The following SYNE2 variants were observed in gnomAD, a reference collection of about 807,000 sequenced individuals.
SYNE2 encodes the protein nesprin-2.
Under a neutral mutation model 856.3 loss-of-function variants are expected in SYNE2, and 431 were observed. The observed-to-expected ratio is 0.50, with a 90% CI of 0.47 to 0.55. The LOEUF is 0.55. Among genes scored for constraint, SYNE2 ranks in the 20% least tolerant of loss-of-function variants. SYNE2 has a pLI of 0.00. For missense variants in SYNE2, 8,129 were observed against 8,023.2 expected, an observed-to-expected ratio of 1.01 and a Z score of -0.50; for synonymous variants, 2,923 against 2,872.3, an observed-to-expected ratio of 1.02 and a Z score of -0.56.
intron 85 of SYNE2, among the ~76,000 whole-genome samples, chr14:64,153,755 A>C (rs1397820143): frequency 6.6e-6 from 1 of 151,998 alleles, no homozygotes; most frequent in Non-Finnish European, 1.5e-5. Context: ...ATTACAATAT[A>C]ATAAAAATAT....
chr14:64,188,010 G>A (rs1280597984), intron 97 of SYNE2, among the ~76,000 whole-genome samples: 4 of 152,132 alleles, frequency 2.6e-5, no homozygotes, highest in African/African-American at 7.2e-5. Context: ...AGTGCATAAC[G>A]GGCAAGTGGG....
At chr14:64,015,426 T>C (rs1345124254) in intron 32 of SYNE2, among the ~76,000 whole-genome samples, 1 of 152,046 alleles carries the variant, frequency 6.6e-6, no homozygotes, top group African/African-American at 2.4e-5. Context: ...TGCAGTAGTG[T>C]TTTTCAAAGT....
rs371005232 is a variant in SYNE2, at chr14:63,804,596, C to T, written c.-305+42610C>T. The stretch of plus-strand genomic sequence containing the variant: ...ACAACCTTTGCCTCCCGGGTGCAAG[C>T]AATTCTCCTGCCTCAGCCTCTTGAA... On this transcript the variant is annotated intron_variant, in intron 1 of 23. Coordinates refer to the SYNE2 transcript ENST00000674003. 6.8e-4 allele frequency among the ~76,000 whole-genome samples: 104 copies of T among 152,242 alleles called. 1 individual carries two copies. The South Asian group carries it at 0.016, about 24-fold the overall frequency.
At chr14:63,921,639 A>G (rs2095602283) in intron 2 of SYNE2, among the ~76,000 whole-genome samples, 1 of 152,188 alleles carries the variant, frequency 6.6e-6, no homozygotes, top group South Asian at 2.1e-4. Context: ...TAGGTTCAAC[A>G]ATGGAAATAC....
intron 11 of SYNE2, 28 bp from the exon 12 acceptor site, chr14:63,976,535 A>G (rs199975521): frequency 6.8e-7 from 1 of 1,460,770 alleles, no homozygotes; most frequent in Non-Finnish European, 9.4e-7. Flanking sequence ...ACTGAAGAAT[A>G]TGTTCTTTTT....
At chr14:64,038,560 C>G (rs1244256333) in intron 45 of SYNE2, among the ~76,000 whole-genome samples, 4 of 152,256 alleles carry the variant, frequency 2.6e-5, no homozygotes, top group Non-Finnish European at 5.9e-5. Context: ...CCATTGAGCA[C>G]CGAGTGAACT....
chr14:64,209,559 A>G lies in SYNE2; in HGVS notation c.18521A>G (p.Glu6174Gly). 6.2e-7 allele frequency: 1 copy of G among 1,614,200 alleles called. No homozygotes were observed. Among genetic ancestry groups the G allele is most frequent in the African/African-American group, 1.3e-5 (1 of 75,062 alleles). ...GAGGTGTTGTACACGAGTGCCAAAG[A>G]GGAACTGAAGAGGTTTGAGGTAAAC... ...SSEVLYTSAKEELKRFEAFQR... is the reference protein window; with the variant it reads ...SSEVLYTSAKGELKRFEAFQR... Residue 6174 changes from glutamate to glycine, a missense_variant, in exon 102 of 116, where the codon GAG (glutamate) becomes GGG (glycine). By Grantham distance (98) the Glu-to-Gly change is moderately conservative (BLOSUM62 -2). Transcript: ENST00000555002.
chr14:64,042,145 T>G (rs2153563736), intron 45 of SYNE2, among the ~76,000 whole-genome samples: 1 of 152,312 alleles, frequency 6.6e-6, no homozygotes, highest in Admixed American at 6.5e-5. Context: ...ATTCATTCAG[T>G]ATAATGAACT....
intron 100 of SYNE2, chr14:64,207,931 G>T (rs1396095744): frequency 2.2e-6 from 1 of 450,018 alleles, no homozygotes; most frequent in African/African-American, 2.0e-5. Flanking sequence ...GGCAAAACAG[G>T]TTCCTTATCT....
intron 21 of SYNE2, 64 bp downstream of exon 21, chr14:63,991,179 C>T: frequency 6.7e-7 from 1 of 1,496,150 alleles, no homozygotes; most frequent in Non-Finnish European, 9.3e-7. Flanking sequence ...TGTTTGAAAT[C>T]AAGATGTTTC....
chr14:64,081,973 C>G (rs984293965), intron 57 of SYNE2, among the ~76,000 whole-genome samples: 7 of 152,112 alleles, frequency 4.6e-5, no homozygotes, highest in African/African-American at 1.7e-4. Context: ...GTAGTCCCAG[C>G]TACTCGGGAG....
At chr14:64,138,935 TGTGTATGTATG>T (rs1315172399) in intron 79 of SYNE2, among the ~76,000 whole-genome samples, 2 of 144,568 alleles carry the variant, frequency 1.4e-5, no homozygotes, top group African/African-American at 2.8e-5. Flanking sequence ...TGTGTGTGTG[TGTGTATGTATG>T]GTGTGTGTGT....
At chr14:63,975,390 T>C (rs960060036) in intron 11 of SYNE2, among the ~76,000 whole-genome samples, 10 of 152,210 alleles carry the variant, frequency 6.6e-5, no homozygotes, top group African/African-American at 2.4e-4. Context: ...TGGAGTGCAG[T>C]GGCATGATCA....
In SYNE2 at chr14:64,091,029, A is replaced by G; in HGVS notation, c.11957A>G (p.Glu3986Gly). 1.2e-6 allele frequency: 2 copies of G among 1,614,082 alleles called. No homozygotes were observed. Among genetic ancestry groups the G allele is most frequent in the Non-Finnish European group, 1.7e-6 (2 of 1,179,940 alleles). Residue 3986 changes from glutamate (E) to glycine (G), a missense_variant, in exon 60 of 116, where the codon GAA (glutamate) becomes GGA (glycine). By Grantham distance (98) the Glu-to-Gly change is moderately conservative. Coordinates refer to ENST00000555002, the MANE Select transcript of SYNE2 (RefSeq NM_182914.3). The part of the protein sequence containing the change: ...DIKLLENVTQ[E>G]QNELLKVVIK... ...AAACTATTGGAAAATGTGACTCAAGAACAAAATGAGTTATTAAAGGTAAGC... is the reference window on the plus strand; with the variant it reads ...AAACTATTGGAAAATGTGACTCAAGGACAAAATGAGTTATTAAAGGTAAGC...
intron 52 of SYNE2, among the ~76,000 whole-genome samples, chr14:64,072,548 G>A (rs1030457668): frequency 2.6e-5 from 4 of 151,832 alleles, no homozygotes; most frequent in Non-Finnish European, 2.9e-5. Flanking sequence ...CGCCTAGGCT[G>A]GAGTACAATA....
At chr14:64,159,908 G>C (rs932308267) in intron 87 of SYNE2, among the ~76,000 whole-genome samples, 5 of 152,160 alleles carry the variant, frequency 3.3e-5, no homozygotes, top group Non-Finnish European at 1.5e-5. Flanking sequence ...ACTTATGGTG[G>C]GATATGAAAG....
intron 58 of SYNE2, 43 bp downstream of exon 58, chr14:64,087,899 AG>A: frequency 6.2e-7 from 1 of 1,601,008 alleles, no homozygotes; most frequent in Non-Finnish European, 8.5e-7. Flanking sequence ...ATTAAATTAG[AG>A]GCTGGGCAAT....
At position 64,016,521 on chromosome 14, in the gene SYNE2, A is replaced by G; in HGVS notation, c.4777A>G (p.Lys1593Glu). 6.2e-7 allele frequency: 1 copy of G among 1,602,246 alleles called. No individual in the cohort carries two copies. Among genetic ancestry groups the G allele is most frequent in the South Asian group, 1.1e-5 (1 of 88,524 alleles). Residue 1593 changes from lysine to glutamate, a missense_variant, in exon 33 of 116, where the codon AAG becomes GAG. Lys to Glu is a moderately conservative substitution (Grantham distance 56). Around this residue, in one of 3 missense-constraint regions of SYNE2, gnomAD observed 2,422 missense variants for 2,357.4 expected, o/e 1.03. Transcript: ENST00000555002. ...TAATGAGCATTTAGAAGTTGTAGAC[A>G]AGATAAACCAGGTCTGCAAAAATCT... ...EFNEHLEVVDKINQVCKNLQF... is the reference protein window; with the variant it reads ...EFNEHLEVVDEINQVCKNLQF...
Position 64,026,849 on chromosome 14 carries a change from T to C in SYNE2, c.6404+119T>C, listed in dbSNP as rs2096983984. 2.5e-6 allele frequency: 3 copies of C among 1,216,606 alleles called. No individual in the cohort carries two copies. In the African/African-American group the frequency reaches 4.5e-5, roughly 18 times the overall value. The allele number at this position is 1,216,606 out of a possible 1,614,324, so 75.4% of individuals were successfully genotyped here. ...TATCTGCTAGAGAGAAAGTTGGTAA[T>C]GTCAGGGACATCCACAGTGTCAAGA... On this transcript the variant is annotated intron_variant, in intron 42 of 115. Coordinates refer to ENST00000555002, the MANE Select transcript of SYNE2 (RefSeq NM_182914.3).
Sources: allele counts gnomAD v4.1 joint callset (sites outside exome capture counted in the v4.1 genomes callset), GRCh38; gene constraint gnomAD v4.1.1; regional missense constraint gnomAD v4.1.1; transcripts MANE v1.5; gene names NCBI Gene and HGNC (gene_info 2026-07-23, HGNC 2026-07-21).